CELF4: variants seen among roughly 807,000 people sequenced by gnomAD.
CELF4 encodes CUGBP Elav-like family member 4.
In CELF4, 18 loss-of-function variants were observed where a neutral mutation model predicts 59.9. The ratio of observed to expected loss-of-function variants is 0.30; its 90% CI spans 0.21 to 0.45. The LOEUF (loss-of-function observed/expected upper bound fraction) is 0.45, where lower values mean the gene tolerates loss of function less well. Ranked by LOEUF, CELF4 falls within the 20% of genes least tolerant of loss-of-function variation. The pLI, the probability that CELF4 is intolerant of heterozygous loss-of-function variation, is 1.00. For synonymous variants in CELF4, 261 were observed against 267.1 expected (o/e 0.98, Z 0.22); for missense variants, 456 against 689.0 (o/e 0.66, Z 3.79).
intron 3 of CELF4, among the ~76,000 whole-genome samples, chr18:37,292,929 T>C (rs912076795): frequency 2.6e-5 from 4 of 152,248 alleles, no homozygotes; most frequent in African/African-American, 7.2e-5. Context: ...AAACTTATTA[T>C]GATGGATGTG....
intron 2 of CELF4, among the ~76,000 whole-genome samples, chr18:37,432,333 C>T (rs1239843349): frequency 2.0e-5 from 3 of 152,226 alleles, no homozygotes; most frequent in African/African-American, 4.8e-5. Context: ...ACTCCCAGCA[C>T]ATCCCACCTG....
At chr18:37,287,416 T>C (rs1415516652) in intron 3 of CELF4, among the ~76,000 whole-genome samples, 1 of 152,190 alleles carries the variant, frequency 6.6e-6, no homozygotes, top group African/African-American at 2.4e-5. Context: ...TGGCCATCCT[T>C]CCCATTGCTC....
intron 8 of CELF4, among the ~76,000 whole-genome samples, chr18:37,268,643 C>T (rs1330277353): frequency 1.3e-5 from 2 of 152,160 alleles, no homozygotes; most frequent in Non-Finnish European, 2.9e-5. Context: ...GTTTATGTGA[C>T]AGTAAAGGCC....
chr18:37,481,535 T>C (rs1047716989), intron 2 of CELF4, among the ~76,000 whole-genome samples: 2 of 152,172 alleles, frequency 1.3e-5, no homozygotes, highest in African/African-American at 4.8e-5. Context: ...GCGACAAAGC[T>C]TCAGGGGTAG....
chr18:37,525,240 C>A (rs12607040), intron 1 of CELF4, among the ~76,000 whole-genome samples: 7 of 152,172 alleles, frequency 4.6e-5, no homozygotes, highest in African/African-American at 1.7e-4. Context: ...CCTGCCCTTT[C>A]ACACCTGTCT....
Position 37,243,273 on chromosome 18 carries a change from A to G in CELF4, c.*1969T>C, listed in dbSNP as rs574948018. On this transcript the variant is annotated 3_prime_UTR_variant, in exon 13 of 13. Coordinates refer to ENST00000420428, the MANE Select transcript of CELF4 (RefSeq NM_020180.4). ...AAAATGAAAAACAACAACAACAACA[A>G]AATTGACAGAAAGAAAGGAAAGGCA... 104 of 151,188 alleles carry G rather than the reference A, an allele frequency of 6.9e-4. No individual in the cohort carries two copies. Among genetic ancestry groups the G allele is most frequent in the African/African-American group, 2.3e-3 (94 of 41,260 alleles). The allele number at this position is 151,188 out of a possible 1,614,324, so 9.4% of individuals were successfully genotyped here.
At chr18:37,394,483 T>C (rs2099215109) in intron 2 of CELF4, among the ~76,000 whole-genome samples, 1 of 152,036 alleles carries the variant, frequency 6.6e-6, no homozygotes, top group African/African-American at 2.4e-5. Context: ...AGGTGGAGCG[T>C]GTGATGAGGC....
intron 2 of CELF4, among the ~76,000 whole-genome samples, chr18:37,437,865 A>G (rs1366014904): frequency 6.6e-6 from 1 of 152,094 alleles, no homozygotes; most frequent in African/African-American, 2.4e-5. Flanking sequence ...CTGCCACCCA[A>G]ATTCTTATGT....
At chr18:37,553,679 T>G (rs1050423284) in intron 1 of CELF4, among the ~76,000 whole-genome samples, 2 of 152,194 alleles carry the variant, frequency 1.3e-5, no homozygotes, top group Non-Finnish European at 2.9e-5. Flanking sequence ...TTTGCTGGTG[T>G]CCCAGGCTCA....
chr18:37,446,705 A>C, intron 2 of CELF4, among the ~76,000 whole-genome samples: 1 of 150,384 alleles, frequency 6.6e-6, no homozygotes, highest in Admixed American at 6.6e-5. Context: ...TCCTCTCTCT[A>C]CCTCTCCCTT....
At chr18:37,475,260 T>A (rs755289907) in intron 2 of CELF4, among the ~76,000 whole-genome samples, 2 of 152,216 alleles carry the variant, frequency 1.3e-5, no homozygotes, top group Non-Finnish European at 2.9e-5. Context: ...GACAATATCC[T>A]TTAAAGCCTA....
Position 37,539,922 on chromosome 18 carries a change from G to A in CELF4, c.286+25434C>T, listed in dbSNP as rs190972250. Among the ~76,000 whole-genome samples the A allele has an allele frequency of 5.5e-3, 845 of 152,280 alleles. 10 individuals are homozygous for A. Among genetic ancestry groups the A allele is most frequent in the African/African-American group, 0.019 (805 of 41,556 alleles). Reference sequence around the variant, plus strand: ...GTGATGATCAGGTCTCATGTGCAGCGCAGGCCTGGCACATTAGAGAGCTGG... The same window carrying A: ...GTGATGATCAGGTCTCATGTGCAGCACAGGCCTGGCACATTAGAGAGCTGG... On this transcript the variant is annotated intron_variant, in intron 1 of 12. Coordinates refer to ENST00000420428, the MANE Select transcript of CELF4 (RefSeq NM_020180.4).
At chr18:37,352,263 A>T (rs2098457697) in intron 2 of CELF4, among the ~76,000 whole-genome samples, 1 of 152,202 alleles carries the variant, frequency 6.6e-6, no homozygotes, top group Non-Finnish European at 1.5e-5. Flanking sequence ...GGGGACTATG[A>T]TGGCTGTCAG....
At chr18:37,472,960 G>T (rs2099838007) in intron 2 of CELF4, among the ~76,000 whole-genome samples, 1 of 152,038 alleles carries the variant, frequency 6.6e-6, no homozygotes, top group Non-Finnish European at 1.5e-5. Context: ...GAACTGATTT[G>T]GTCCAATGTT....
Position 37,477,273 on chromosome 18 carries a change from C to T in CELF4, c.369+8252G>A, listed in dbSNP as rs189865994. On this transcript the variant is annotated intron_variant, in intron 2 of 12. Transcript: ENST00000420428. ...GCAGTGCTGGGTGCTTGGATGGGGACGGATTGGAAAGCTCCCCGAGCGGGG... is the reference window on the plus strand; with the variant it reads ...GCAGTGCTGGGTGCTTGGATGGGGATGGATTGGAAAGCTCCCCGAGCGGGG... 1.4e-4 allele frequency among the ~76,000 whole-genome samples: 21 copies of T among 152,268 alleles called. No individual in the cohort carries two copies. In the Middle Eastern group the frequency reaches 0.017, roughly 123 times the overall value.
At chr18:37,538,398 T>C (rs544603821) in intron 1 of CELF4, among the ~76,000 whole-genome samples, 1 of 152,316 alleles carries the variant, frequency 6.6e-6, no homozygotes, top group South Asian at 2.1e-4. Context: ...TTCCTGTGTG[T>C]AATCCTCTCC....
At chr18:37,268,165 A>G (rs1480001469) in intron 8 of CELF4, among the ~76,000 whole-genome samples, 1 of 152,046 alleles carries the variant, frequency 6.6e-6, no homozygotes, top group Non-Finnish European at 1.5e-5. Context: ...GGGGAGTCAG[A>G]CCCACGGGGG....
rs2066857649 is a variant in CELF4, at chr18:37,253,490, C to T, written c.*44+277G>A. Among the ~76,000 whole-genome samples, 1 of 152,210 alleles carries T rather than the reference C, an allele frequency of 6.6e-6. No individual in the cohort carries two copies. On this transcript the variant is annotated intron_variant, in intron 12 of 12. Transcript: ENST00000420428. The surrounding 1 kb of genome is among the most constrained non-coding windows in gnomAD (Gnocchi z 4.5). The stretch of plus-strand genomic sequence containing the variant: ...GGCCAACAGGACTGCCAATGTAGAC[C>T]CGGAGGCGCAGGCCCAGGGCTCGCC...
chr18:37,285,158 A>G (rs1569526901), intron 3 of CELF4, among the ~76,000 whole-genome samples: 1 of 152,096 alleles, frequency 6.6e-6, no homozygotes, highest in Non-Finnish European at 1.5e-5. Flanking sequence ...TGGGATTCCC[A>G]TTGCCTGGGG....
Sources: gnomAD v4.1 joint callset for allele counts (sites outside exome capture counted in the v4.1 genomes callset) on GRCh38, gnomAD v4.1.1 for gene constraint, Gnocchi (gnomAD v3.1) non-coding constraint, MANE v1.5 for transcripts, NCBI Gene and HGNC (gene_info 2026-07-23, HGNC 2026-07-21) for gene names.